The following PIP5K1B variants were observed in gnomAD, a reference collection of about 807,000 sequenced individuals.
PIP5K1B encodes the protein phosphatidylinositol 4-phosphate 5-kinase type-1 beta.
PIP5K1B carries 42 observed loss-of-function variants against 67.0 expected under a neutral mutation model. The observed-to-expected ratio is 0.63, with a 90% CI of 0.49 to 0.81. The LOEUF (loss-of-function observed/expected upper bound fraction) is 0.81. PIP5K1B is among the 30% of genes least tolerant of loss of function. PIP5K1B has a pLI of 0.00. For synonymous variants in PIP5K1B, 214 were observed against 231.4 expected (o/e 0.92, Z 0.68); for missense variants, 459 against 646.3 (o/e 0.71, Z 3.14).
At chr9:68,873,414 A>T (rs1823724980) in intron 5 of PIP5K1B, among the ~76,000 whole-genome samples, 1 of 150,966 alleles carries the variant, frequency 6.6e-6, no homozygotes. Context: ...CAGCCCACCA[A>T]ACAGCCGGGA....
chr9:68,836,204 C>T (rs984513926), intron 4 of PIP5K1B, among the ~76,000 whole-genome samples: 10 of 152,102 alleles, frequency 6.6e-5, no homozygotes, highest in African/African-American at 1.7e-4. Context: ...AGTCCCTCGC[C>T]CCAGGTTATT....
intron 5 of PIP5K1B, among the ~76,000 whole-genome samples, chr9:68,865,865 C>T (rs1442620656): frequency 6.6e-6 from 1 of 152,222 alleles, no homozygotes; most frequent in Non-Finnish European, 1.5e-5. Context: ...AACCACTGGC[C>T]TCGCCCATGA....
chr9:68,756,012 G>C (rs888724230), intron 2 of PIP5K1B, among the ~76,000 whole-genome samples: 1 of 152,176 alleles, frequency 6.6e-6, no homozygotes, highest in African/African-American at 2.4e-5. Flanking sequence ...TTGATCAGTC[G>C]TCTGGCACTG....
intron 1 of PIP5K1B, among the ~76,000 whole-genome samples, chr9:68,738,925 C>T (rs1016537104): frequency 1.3e-5 from 2 of 152,152 alleles, no homozygotes; most frequent in Admixed American, 6.5e-5. Context: ...GGCTCAGGCC[C>T]ATGCCTCAAC....
rs146846422 is a variant in PIP5K1B at position 68,917,638 on chromosome 9, C to A, written c.862C>A (p.Pro288Thr). The A allele has an allele frequency of 6.8e-6, 11 of 1,613,752 alleles. No individual in the cohort carries two copies. Among genetic ancestry groups the A allele is most frequent in the Non-Finnish European group, 9.3e-6 (11 of 1,179,782 alleles). Residue 288 changes from proline to threonine, a missense_variant, in exon 9 of 16, where the codon CCA (proline) becomes ACA (threonine). Pro to Thr is a conservative substitution (Grantham distance 38). Transcript: ENST00000265382. ...CCTCAAAGAGAAAGAGGAGGAGACC[C>A]CACAAAATGTGCCTGATGCTAAGCG... The part of the protein sequence containing the change: ...HSLKEKEEET[P>T]QNVPDAKRTG...
intron 14 of PIP5K1B, among the ~76,000 whole-genome samples, chr9:68,989,915 G>A (rs1222426120): frequency 2.0e-5 from 3 of 152,090 alleles, no homozygotes; most frequent in Non-Finnish European, 2.9e-5. Flanking sequence ...AGGAGGTGGA[G>A]ATTGCAGTGA....
chr9:68,861,590 G>A (rs540891742), intron 4 of PIP5K1B, among the ~76,000 whole-genome samples: 158 of 152,292 alleles, frequency 1.0e-3, no homozygotes, highest in African/African-American at 3.7e-3. Context: ...AGCGTCAGGG[G>A]TGCGGTGCGG....
intron 8 of PIP5K1B, among the ~76,000 whole-genome samples, chr9:68,901,746 G>A (rs567239404): frequency 6.6e-6 from 1 of 152,306 alleles, no homozygotes; most frequent in South Asian, 2.1e-4. Flanking sequence ...AAGATTGTTC[G>A]AGTTGGAAGG....
chr9:68,735,784 C>A (rs554306295), intron 1 of PIP5K1B, among the ~76,000 whole-genome samples: 4 of 152,242 alleles, frequency 2.6e-5, no homozygotes, highest in Non-Finnish European at 5.9e-5. Flanking sequence ...AATGATGGGA[C>A]TGTTACTTAT....
intron 2 of PIP5K1B, among the ~76,000 whole-genome samples, chr9:68,793,372 G>A (rs553527532): frequency 6.6e-6 from 1 of 152,314 alleles, no homozygotes; most frequent in South Asian, 2.1e-4. Flanking sequence ...GACTCTGAGG[G>A]CGTGGTAGAG....
intron 7 of PIP5K1B, among the ~76,000 whole-genome samples, chr9:68,893,726 A>G (rs1386874547): frequency 6.6e-6 from 1 of 152,190 alleles, no homozygotes; most frequent in East Asian, 1.9e-4. Flanking sequence ...TATATCAAGA[A>G]TTTCAACAGT....
At chr9:68,715,169 T>G (rs905360008) in intron 1 of PIP5K1B, among the ~76,000 whole-genome samples, 1 of 152,188 alleles carries the variant, frequency 6.6e-6, no homozygotes, top group African/African-American at 2.4e-5. Flanking sequence ...CTGTATTTCC[T>G]CATAACAGGA....
chr9:68,744,959 T>C (rs1026292085), intron 2 of PIP5K1B, among the ~76,000 whole-genome samples: 43 of 152,240 alleles, frequency 2.8e-4, no homozygotes, highest in African/African-American at 9.6e-4. Flanking sequence ...TATATAGCCC[T>C]GTACATATGC....
chr9:68,945,903 A>G (rs541798343), intron 14 of PIP5K1B, among the ~76,000 whole-genome samples: 114 of 152,312 alleles, frequency 7.5e-4, no homozygotes, highest in African/African-American at 2.5e-3. Flanking sequence ...TTCTTTTTCC[A>G]TGGGATTTTG....
chr9:68,977,822 T>C (rs1173396323), intron 14 of PIP5K1B, among the ~76,000 whole-genome samples: 1 of 151,808 alleles, frequency 6.6e-6, no homozygotes, highest in African/African-American at 2.4e-5. Context: ...ACCCAGCTAA[T>C]TTTTTGTATT....
At chr9:68,826,190 TAC>T (rs1217496350) in intron 4 of PIP5K1B, among the ~76,000 whole-genome samples, 1 of 152,240 alleles carries the variant, frequency 6.6e-6, no homozygotes, top group East Asian at 1.9e-4. Flanking sequence ...TGGCTATATT[TAC>T]AGAGTGGAGT....
At chr9:68,756,129 T>G (rs533584173) in intron 2 of PIP5K1B, among the ~76,000 whole-genome samples, 1 of 152,336 alleles carries the variant, frequency 6.6e-6, no homozygotes, top group South Asian at 2.1e-4. Context: ...TTCCAGGGAC[T>G]TTTTTAGGGC....
intron 2 of PIP5K1B, among the ~76,000 whole-genome samples, chr9:68,774,785 T>C (rs1830834034): frequency 6.6e-6 from 1 of 152,192 alleles, no homozygotes; most frequent in Admixed American, 6.5e-5. Context: ...CTACAGCTAA[T>C]TCATCCTTCC....
Position 68,748,136 on chromosome 9 carries a change from A to G in PIP5K1B, c.-86+5479A>G, listed in dbSNP as rs187375438. Reference sequence around the variant, plus strand: ...GGGTAGTTCACATAAAAGGAATCGTACAATCTGTGTCATTTTGTGCCTGGC... The same window carrying G: ...GGGTAGTTCACATAAAAGGAATCGTGCAATCTGTGTCATTTTGTGCCTGGC... On this transcript the variant is annotated intron_variant, in intron 2 of 15. Coordinates refer to ENST00000265382, the MANE Select transcript of PIP5K1B (RefSeq NM_003558.4). Among the ~76,000 whole-genome samples the G allele has an allele frequency of 3.1e-3, 472 of 152,322 alleles. 2 individuals carry two copies. The highest frequency in any genetic ancestry group is 0.011 in the African/African-American group (446 of 41,554).
Sources: gnomAD v4.1 joint callset for allele counts (sites outside exome capture counted in the v4.1 genomes callset) on GRCh38, gnomAD v4.1.1 for gene constraint, MANE v1.5 for transcripts, NCBI Gene and HGNC (gene_info 2026-07-23, HGNC 2026-07-21) for gene names.